CCSER1: variants seen among roughly 807,000 people sequenced by gnomAD.
CCSER1 encodes serine-rich coiled-coil domain-containing protein 1.
CCSER1 carries 41 observed loss-of-function variants against 82.0 expected under a neutral mutation model. That is an observed-to-expected ratio of 0.50 (90% CI 0.39 to 0.65). The LOEUF (loss-of-function observed/expected upper bound fraction) is 0.65. CCSER1 is among the 30% of genes least tolerant of loss of function. The pLI is 0.00. For missense variants in CCSER1, 1,119 were observed against 1,064.2 expected (o/e 1.05, Z -0.72); for synonymous variants, 414 against 383.9 (o/e 1.08, Z -0.92).
chr4:90,187,573 C>T lies in CCSER1; in HGVS notation c.-42+59742C>T, dbSNP rs1017619818. ...ATTTTAGGGTTTTTTTGAGCCACAG[C>T]GAAGAATGCTTTCTAAACTTGGCTT... is the stretch of plus-strand genomic sequence containing the variant. On this transcript the variant is annotated intron_variant, in intron 1 of 10. Transcript: ENST00000509176. Among the ~76,000 whole-genome samples, 4 of 151,834 alleles carry T rather than the reference C, an allele frequency of 2.6e-5. No homozygotes were observed. In the South Asian group the frequency reaches 8.3e-4, roughly 32 times the overall value.
At chr4:90,822,484 G>A (rs1222509568) in intron 8 of CCSER1, among the ~76,000 whole-genome samples, 2 of 152,086 alleles carry the variant, frequency 1.3e-5, no homozygotes, top group Non-Finnish European at 2.9e-5. Flanking sequence ...ATCCCAGCAC[G>A]TTGGGAGGCC....
intron 10 of CCSER1, among the ~76,000 whole-genome samples, chr4:91,245,082 T>C (rs1002370618): frequency 4.6e-5 from 7 of 151,794 alleles, no homozygotes; most frequent in African/African-American, 1.7e-4. Flanking sequence ...CATTTGGAAA[T>C]ACATGGTCAG....
At chr4:90,865,922 T>G (rs1183083558) in intron 8 of CCSER1, among the ~76,000 whole-genome samples, 2 of 151,934 alleles carry the variant, frequency 1.3e-5, no homozygotes, top group Non-Finnish European at 2.9e-5. Context: ...TGGGGAGGCC[T>G]CAGGATACTT....
At chr4:90,237,171 G>T (rs1745953782) in intron 1 of CCSER1, among the ~76,000 whole-genome samples, 1 of 151,970 alleles carries the variant, frequency 6.6e-6, no homozygotes, top group Admixed American at 6.6e-5. Flanking sequence ...GTTTTTAATG[G>T]GAATTTCTGT....
chr4:90,248,960 G>T (rs980043512), intron 1 of CCSER1, among the ~76,000 whole-genome samples: 9 of 152,024 alleles, frequency 5.9e-5, no homozygotes, highest in African/African-American at 2.2e-4. Context: ...CTTCCTAGAA[G>T]TGCTGGGATT....
intron 9 of CCSER1, among the ~76,000 whole-genome samples, chr4:91,047,372 AAAAT>A (rs1311567837): frequency 6.6e-6 from 1 of 152,152 alleles, no homozygotes; most frequent in Non-Finnish European, 1.5e-5. Context: ...TATGTATGTA[AAAAT>A]AAATAATGTG....
At chr4:91,016,509 A>C (rs1269468681) in intron 9 of CCSER1, among the ~76,000 whole-genome samples, 4 of 152,030 alleles carry the variant, frequency 2.6e-5, no homozygotes, top group Non-Finnish European at 5.9e-5. Flanking sequence ...CACCTTTGCC[A>C]CAATTATGAC....
chr4:90,532,280 T>A (rs1368326541), intron 5 of CCSER1, among the ~76,000 whole-genome samples: 1 of 152,152 alleles, frequency 6.6e-6, no homozygotes, highest in Admixed American at 6.5e-5. Flanking sequence ...TATCTCTAAA[T>A]TCAGCAGGCA....
rs959097137 is a variant in CCSER1, at chr4:90,636,357, A to C, written c.1932+8125A>C. 2.0e-5 allele frequency among the ~76,000 whole-genome samples: 3 copies of C among 152,098 alleles called. No individual in the cohort carries two copies. The East Asian group carries it at 5.8e-4, about 29-fold the overall frequency. ...AAAAATTTTCAGGAAATAGAGACACATTATGCTTCTCATCTTGTTTTATGT... is the reference window on the plus strand; with the variant it reads ...AAAAATTTTCAGGAAATAGAGACACCTTATGCTTCTCATCTTGTTTTATGT... On this transcript the variant is annotated intron_variant, in intron 6 of 10. Transcript: ENST00000509176.
At chr4:90,832,796 A>G (rs1287662804) in intron 8 of CCSER1, among the ~76,000 whole-genome samples, 4 of 152,202 alleles carry the variant, frequency 2.6e-5, no homozygotes, top group Admixed American at 6.5e-5. Context: ...AGAGAATATT[A>G]TGGAACAATA....
intron 10 of CCSER1, among the ~76,000 whole-genome samples, chr4:91,309,901 GTC>G (rs1745342634): frequency 6.6e-6 from 1 of 151,888 alleles, no homozygotes; most frequent in Admixed American, 6.6e-5. Context: ...GCAATTTATT[GTC>G]TCAGATTTCT....
At chr4:90,868,227 A>C (rs1697493143) in intron 8 of CCSER1, among the ~76,000 whole-genome samples, 1 of 151,984 alleles carries the variant, frequency 6.6e-6, no homozygotes, top group African/African-American at 2.4e-5. Context: ...GTTATTTTTA[A>C]ATGTGTAGCC....
At chr4:91,379,372 G>T (rs6815964) in intron 10 of CCSER1, among the ~76,000 whole-genome samples, 1,920 of 152,104 alleles carry the variant, frequency 0.013, 37 homozygotes, top group African/African-American at 0.044. Flanking sequence ...CTGTGAATCC[G>T]TCTGGTCCTG....
At chr4:91,547,963 A>G (rs762771302) in intron 10 of CCSER1, among the ~76,000 whole-genome samples, 1 of 151,858 alleles carries the variant, frequency 6.6e-6, no homozygotes, top group Non-Finnish European at 1.5e-5. Flanking sequence ...TTGTATTTTT[A>G]GTAGAGATGG....
At chr4:90,361,979 A>G (rs1745468214) in intron 3 of CCSER1, among the ~76,000 whole-genome samples, 1 of 152,172 alleles carries the variant, frequency 6.6e-6, no homozygotes, top group Non-Finnish European at 1.5e-5. Context: ...CCACTATAAT[A>G]ATGTGTCCTT....
At chr4:91,198,824 T>G (rs1735667696) in intron 10 of CCSER1, among the ~76,000 whole-genome samples, 2 of 152,180 alleles carry the variant, frequency 1.3e-5, no homozygotes, top group Admixed American at 1.3e-4. Context: ...GCAAAAGGGT[T>G]TTTATTTGCT....
At chr4:91,180,632 G>T (rs1197465725) in intron 10 of CCSER1, among the ~76,000 whole-genome samples, 6 of 152,302 alleles carry the variant, frequency 3.9e-5, no homozygotes, top group Non-Finnish European at 7.3e-5. Flanking sequence ...TAATCTCCTG[G>T]TGTGCCATTT....
chr4:91,345,947 T>C (rs1194489252), intron 10 of CCSER1, among the ~76,000 whole-genome samples: 1 of 152,100 alleles, frequency 6.6e-6, no homozygotes, highest in East Asian at 1.9e-4. Flanking sequence ...GTATATATAG[T>C]CTTTTCAGAT....
chr4:90,840,110 A>G (rs897929315), intron 8 of CCSER1, among the ~76,000 whole-genome samples: 1 of 152,004 alleles, frequency 6.6e-6, no homozygotes, highest in Non-Finnish European at 1.5e-5. Flanking sequence ...GTAACTTGCA[A>G]TTTATTGTTT....
Sources: gnomAD v4.1 joint callset for allele counts (sites outside exome capture counted in the v4.1 genomes callset) on GRCh38, gnomAD v4.1.1 for gene constraint, MANE v1.5 for transcripts, NCBI Gene and HGNC (gene_info 2026-07-23, HGNC 2026-07-21) for gene names.